The following MARCHF8 variants were observed in gnomAD, a reference collection of about 807,000 sequenced individuals.
MARCHF8 encodes membrane associated ring-CH-type finger 8.
MARCHF8 carries 40 observed loss-of-function variants against 51.6 expected under a neutral mutation model. The ratio of observed to expected loss-of-function variants is 0.77; its 90% CI spans 0.60 to 1.01. The LOEUF (loss-of-function observed/expected upper bound fraction) is 1.01, where lower values mean the gene tolerates loss of function less well. MARCHF8 is among the 50% of genes least tolerant of loss of function. MARCHF8 has a pLI of 0.00. For synonymous variants in MARCHF8, 263 were observed against 280.3 expected (o/e 0.94, Z 0.62); for missense variants, 685 against 708.6 (o/e 0.97, Z 0.38).
At chr10:45,554,351 T>C (rs1386862945) in intron 1 of MARCHF8, among the ~76,000 whole-genome samples, 1 of 152,156 alleles carries the variant, frequency 6.6e-6, no homozygotes, top group African/African-American at 2.4e-5. Context: ...TCATAAAATA[T>C]TTTACCTTAA....
intron 1 of MARCHF8, among the ~76,000 whole-genome samples, chr10:45,591,041 C>G (rs921998905): frequency 2.0e-5 from 3 of 152,156 alleles, no homozygotes; most frequent in African/African-American, 7.2e-5. Context: ...ATTCTCCCCA[C>G]CCTTGAGAAT....
chr10:45,525,925 C>A (rs1044646249), intron 2 of MARCHF8, among the ~76,000 whole-genome samples: 1 of 152,130 alleles, frequency 6.6e-6, no homozygotes, highest in African/African-American at 2.4e-5. Flanking sequence ...TAAGGAGATA[C>A]AACAACAAAA....
intron 1 of MARCHF8, among the ~76,000 whole-genome samples, chr10:45,558,575 G>A (rs556913709): frequency 1.3e-5 from 2 of 152,324 alleles, no homozygotes; most frequent in African/African-American, 2.4e-5. Flanking sequence ...ACATCCTGAT[G>A]GCCACAGCCA....
At chr10:45,459,661 G>T in intron 6 of MARCHF8, 5 of 964,764 alleles carry the variant, frequency 5.2e-6, no homozygotes, top group Non-Finnish European at 6.2e-6. Flanking sequence ...ACGAGCGGAA[G>T]AAGAGGGTTG....
chr10:45,591,191 C>T (rs976603883), intron 1 of MARCHF8, among the ~76,000 whole-genome samples: 3 of 152,178 alleles, frequency 2.0e-5, no homozygotes, highest in African/African-American at 7.2e-5. Context: ...CTGCCTGCAC[C>T]CAGGTGAAAC....
chr10:45,554,665 A>G (rs2044231731), intron 1 of MARCHF8, among the ~76,000 whole-genome samples: 1 of 152,208 alleles, frequency 6.6e-6, no homozygotes, highest in South Asian at 2.1e-4. Flanking sequence ...CATGCCTGTA[A>G]TCTTAGCTCT....
intron 1 of MARCHF8, among the ~76,000 whole-genome samples, chr10:45,587,421 A>G (rs12763285): frequency 0.062 from 9,402 of 152,264 alleles, 334 homozygotes; most frequent in Non-Finnish European, 0.067. Context: ...ACATGTTGCA[A>G]GAAATTAAAG....
intron 3 of MARCHF8, among the ~76,000 whole-genome samples, chr10:45,483,775 G>A (rs1385498581): frequency 8.1e-6 from 1 of 123,920 alleles, no homozygotes; most frequent in East Asian, 2.1e-4. Flanking sequence ...CAACATGGAT[G>A]GAGGTCATTA....
chr10:45,465,527 C>A (rs1300062878), intron 3 of MARCHF8, among the ~76,000 whole-genome samples: 1 of 152,230 alleles, frequency 6.6e-6, no homozygotes, highest in Non-Finnish European at 1.5e-5. Flanking sequence ...GACCCTTGGT[C>A]AACCACCAGA....
rs144572654 is a variant in MARCHF8, at chr10:45,513,244, A to T, written c.102+19866T>A. Among the ~76,000 whole-genome samples, 19 of 152,178 alleles carry T rather than the reference A, an allele frequency of 1.2e-4. No individual in the cohort carries two copies. In the East Asian group the frequency reaches 3.3e-3, roughly 26 times the overall value. ...AATTAAAAAAAAATAAATAAAATAA[A>T]ATAAAAAAGAAATTATAACACTGTA... On this transcript the variant is annotated intron_variant, in intron 2 of 7. Transcript: ENST00000453424.
At chr10:45,544,288 T>G (rs901786206) in intron 1 of MARCHF8, among the ~76,000 whole-genome samples, 40 of 152,240 alleles carry the variant, frequency 2.6e-4, no homozygotes, top group Non-Finnish European at 5.9e-5. Flanking sequence ...TAAATTGGTA[T>G]AGATACTTGG....
At chr10:45,521,527 C>T (rs80222863) in intron 2 of MARCHF8, among the ~76,000 whole-genome samples, 5,356 of 152,270 alleles carry the variant, frequency 0.035, 144 homozygotes, top group East Asian at 0.052. Context: ...TAAAACTGCC[C>T]ATGCTTCTGC....
intron 3 of MARCHF8, among the ~76,000 whole-genome samples, chr10:45,472,011 C>A (rs545091310): frequency 1.6e-4 from 24 of 152,358 alleles, no homozygotes; most frequent in African/African-American, 4.3e-4. Flanking sequence ...CCAGCCCTGG[C>A]CCAAGATGCA....
intron 1 of MARCHF8, among the ~76,000 whole-genome samples, chr10:45,543,324 T>TAATC (rs1207922482): frequency 6.6e-6 from 1 of 152,224 alleles, no homozygotes; most frequent in Non-Finnish European, 1.5e-5. Flanking sequence ...TTTTCCTGGG[T>TAATC]GATTTAATCC....
At chr10:45,542,929 AC>A (rs1564510650) in intron 1 of MARCHF8, among the ~76,000 whole-genome samples, 1 of 152,224 alleles carries the variant, frequency 6.6e-6, no homozygotes, top group African/African-American at 2.4e-5. Flanking sequence ...AGAAAACTTC[AC>A]TTGACTCCTC....
chr10:45,463,536 T>C lies in MARCHF8; in HGVS notation c.703A>G (p.Lys235Glu). 6.4e-7 allele frequency: 1 copy of C among 1,550,616 alleles called. No individual in the cohort carries two copies. The highest frequency in any genetic ancestry group is 8.7e-7 in the Non-Finnish European group (1 of 1,146,988). ...RSTASEVEAG[K>E]GGRPGLLLEE... The stretch of plus-strand genomic sequence containing the variant: ...AGCAGCAGGCCGGGCCTGCCCCCCT[T>C]GCCAGCTTCCACCTCTGAGGCAGTT... The change falls in exon 5 of 8, where the codon AAG becomes GAG. Residue 235 changes from lysine to glutamate, a missense_variant. Coordinates refer to ENST00000453424, the MANE Select transcript of MARCHF8 (RefSeq NM_001282866.2).
chr10:45,587,976 GAAAGT>G (rs2044635444), intron 1 of MARCHF8, among the ~76,000 whole-genome samples: 1 of 152,008 alleles, frequency 6.6e-6, no homozygotes, highest in South Asian at 2.1e-4. Flanking sequence ...ATTCATAAAG[GAAAGT>G]AAAGAACCTA....
At chr10:45,577,785 G>C (rs1223991966) in intron 1 of MARCHF8, among the ~76,000 whole-genome samples, 1 of 152,184 alleles carries the variant, frequency 6.6e-6, no homozygotes, top group East Asian at 1.9e-4. Context: ...ACTTTAAGGA[G>C]GCCAAAGCAG....
intron 2 of MARCHF8, among the ~76,000 whole-genome samples, chr10:45,502,276 C>A (rs2043295166): frequency 6.6e-6 from 1 of 152,088 alleles, no homozygotes. Context: ...TAAAAAGGAA[C>A]AAACTATTGA....
Sources: gnomAD v4.1 joint callset for allele counts (sites outside exome capture counted in the v4.1 genomes callset) on GRCh38, gnomAD v4.1.1 for gene constraint, MANE v1.5 for transcripts, NCBI Gene and HGNC (gene_info 2026-07-23, HGNC 2026-07-21) for gene names.